The following NKAIN2 variants were observed in gnomAD, a reference collection of about 807,000 sequenced individuals.
NKAIN2 encodes the protein sodium/potassium transporting ATPase interacting 2.
NKAIN2 carries 14 observed loss-of-function variants against 32.6 expected under a neutral mutation model. That is an observed-to-expected ratio of 0.43 (90% CI 0.28 to 0.67). NKAIN2 has a LOEUF of 0.67. Ranked by LOEUF, NKAIN2 falls within the 30% of genes least tolerant of loss-of-function variation. The pLI, the probability that NKAIN2 is intolerant of heterozygous loss-of-function variation, is 0.17. For missense variants in NKAIN2, 198 were observed against 258.3 expected (o/e 0.77, Z 1.60); for synonymous variants, 80 against 87.2 (o/e 0.92, Z 0.46).
intron 3 of NKAIN2, among the ~76,000 whole-genome samples, chr6:124,589,754 G>T (rs1781840025): frequency 1.3e-5 from 2 of 152,032 alleles, no homozygotes; most frequent in Admixed American, 1.3e-4. Flanking sequence ...GTGGTTTGCT[G>T]CACCTATCAA....
chr6:123,914,315 G>A (rs1400023370), intron 1 of NKAIN2, among the ~76,000 whole-genome samples: 1 of 151,974 alleles, frequency 6.6e-6, no homozygotes, highest in Non-Finnish European at 1.5e-5. Context: ...GGGAGAAAGA[G>A]GGAGAAAAGA....
At chr6:124,804,874 C>G (rs1323800699) in intron 5 of NKAIN2, among the ~76,000 whole-genome samples, 2 of 152,180 alleles carry the variant, frequency 1.3e-5, no homozygotes, top group Non-Finnish European at 2.9e-5. Flanking sequence ...CCTATGCCCA[C>G]GGAGTCTCAC....
intron 3 of NKAIN2, among the ~76,000 whole-genome samples, chr6:124,435,464 A>T (rs1417314979): frequency 6.6e-6 from 1 of 152,198 alleles, no homozygotes; most frequent in Non-Finnish European, 1.5e-5. Flanking sequence ...TAAATGCTGT[A>T]TATGTATTAA....
At chr6:124,483,102 A>G (rs903389065) in intron 3 of NKAIN2, among the ~76,000 whole-genome samples, 1 of 152,112 alleles carries the variant, frequency 6.6e-6, no homozygotes, top group Non-Finnish European at 1.5e-5. Context: ...AGCCTGGACG[A>G]CAGAGACTGT....
At chr6:124,638,087 G>A (rs1393742146) in intron 3 of NKAIN2, among the ~76,000 whole-genome samples, 1 of 152,066 alleles carries the variant, frequency 6.6e-6, no homozygotes. Context: ...GAACAGAATA[G>A]AGAACCCAGA....
chr6:123,807,186 A>G (rs1388929825), intron 1 of NKAIN2, among the ~76,000 whole-genome samples: 1 of 152,120 alleles, frequency 6.6e-6, no homozygotes, highest in Non-Finnish European at 1.5e-5. Context: ...ATCCGTTTAT[A>G]AAACAAGAAA....
At chr6:124,046,971 A>G (rs1370481433) in intron 1 of NKAIN2, among the ~76,000 whole-genome samples, 1 of 152,012 alleles carries the variant, frequency 6.6e-6, no homozygotes, top group Non-Finnish European at 1.5e-5. Context: ...TGGTAAGAGG[A>G]TATCTTAAGC....
chr6:124,159,360 ACT>A (rs1204123028), intron 1 of NKAIN2, among the ~76,000 whole-genome samples: 1 of 152,094 alleles, frequency 6.6e-6, no homozygotes, highest in East Asian at 1.9e-4. Flanking sequence ...CCACTCAGGG[ACT>A]CTCAAACCTG....
intron 4 of NKAIN2, among the ~76,000 whole-genome samples, chr6:124,758,431 C>T (rs548117498): frequency 1.3e-5 from 2 of 152,238 alleles, no homozygotes; most frequent in South Asian, 4.1e-4. Context: ...GAGGACCCCA[C>T]CAGACGCAGA....
At chr6:124,447,321 C>T (rs1775935535) in intron 3 of NKAIN2, among the ~76,000 whole-genome samples, 1 of 151,970 alleles carries the variant, frequency 6.6e-6, no homozygotes, top group South Asian at 2.1e-4. Flanking sequence ...TCAGTAGCCA[C>T]TAAATAATAT....
intron 4 of NKAIN2, among the ~76,000 whole-genome samples, chr6:124,671,505 C>T (rs550261075): frequency 6.6e-6 from 1 of 152,196 alleles, no homozygotes; most frequent in South Asian, 2.1e-4. Context: ...ATTTTCTTCT[C>T]ATCTATAGCT....
chr6:124,376,876 C>T (rs561970284), intron 3 of NKAIN2, among the ~76,000 whole-genome samples: 3 of 152,076 alleles, frequency 2.0e-5, no homozygotes, highest in South Asian at 2.1e-4. Flanking sequence ...AAAAAAAAGA[C>T]GTTTCCTTTA....
chr6:123,947,656 G>T (rs1003282154), intron 1 of NKAIN2, among the ~76,000 whole-genome samples: 1 of 152,036 alleles, frequency 6.6e-6, no homozygotes, highest in Non-Finnish European at 1.5e-5. Flanking sequence ...TATTTATGGG[G>T]TACAGGTGAT....
At chr6:124,501,606 T>C (rs1435950929) in intron 3 of NKAIN2, among the ~76,000 whole-genome samples, 1 of 152,184 alleles carries the variant, frequency 6.6e-6, no homozygotes, top group Non-Finnish European at 1.5e-5. Flanking sequence ...GTTAGAGTTA[T>C]CTTTTTAAGA....
chr6:124,805,192 G>A (rs930905438), intron 5 of NKAIN2, among the ~76,000 whole-genome samples: 3 of 152,194 alleles, frequency 2.0e-5, no homozygotes, highest in Admixed American at 1.3e-4. Context: ...GCCTCCTCAA[G>A]TGGGTCCCTG....
chr6:124,287,416 AT>A (rs2114935220), intron 2 of NKAIN2, among the ~76,000 whole-genome samples: 1 of 152,342 alleles, frequency 6.6e-6, no homozygotes, highest in South Asian at 2.1e-4. Context: ...ATTGGTAATG[AT>A]TTTTGTTTTC....
At chr6:123,820,981 G>A (rs1373399495) in intron 1 of NKAIN2, among the ~76,000 whole-genome samples, 8 of 152,278 alleles carry the variant, frequency 5.3e-5, no homozygotes, top group Non-Finnish European at 1.0e-4. Flanking sequence ...CCATAGCGGG[G>A]AAAACACTTT....
chr6:124,315,545 A>G lies in NKAIN2; in HGVS notation c.192+32403A>G, dbSNP rs565189374. On this transcript the variant is annotated intron_variant, in intron 2 of 6. Transcript: ENST00000368417. ...TTGCTAAGAGCCTAAACTCTTTTCT[A>G]GTTTCTAGAGAATCAACATATTGAA... Among the ~76,000 whole-genome samples the G allele has an allele frequency of 3.9e-5, 6 of 152,276 alleles. No homozygotes were observed. The South Asian group carries it at 8.3e-4, about 21-fold the overall frequency.
At chr6:124,006,419 G>A (rs1313869278) in intron 1 of NKAIN2, among the ~76,000 whole-genome samples, 1 of 152,164 alleles carries the variant, frequency 6.6e-6, no homozygotes, top group Non-Finnish European at 1.5e-5. Flanking sequence ...TAGGATAAGG[G>A]CGAGATGCAT....
Sources: gnomAD v4.1 joint callset for allele counts (sites outside exome capture counted in the v4.1 genomes callset) on GRCh38, gnomAD v4.1.1 for gene constraint, MANE v1.5 for transcripts, NCBI Gene and HGNC (gene_info 2026-07-23, HGNC 2026-07-21) for gene names.